ERFE: variants seen among roughly 807,000 people sequenced by gnomAD.
ERFE encodes the protein erythroferrone, also known as complement C1q tumor necrosis factor-related protein 15.
In ERFE, 25 loss-of-function variants were observed where a neutral mutation model predicts 26.6. That is an observed-to-expected ratio of 0.94 (90% CI 0.69 to 1.31). The LOEUF is 1.31. ERFE is among the 40% of genes most tolerant of loss of function. ERFE has a pLI of 0.00. For missense variants in ERFE, 447 were observed against 440.2 expected (o/e 1.02, Z -0.14); for synonymous variants, 206 against 204.5 (o/e 1.01, Z -0.06).
chr2:238,163,571 G>C, intron 3 of ERFE, 166 bp from the exon 4 acceptor site: 1 of 838,640 alleles, frequency 1.2e-6, no homozygotes. Context: ...TGCAGGGTCA[G>C]GACGCAAAGA....
Position 238,167,293 on chromosome 2 carries a change from GA to G in ERFE, c.*242del, listed in dbSNP as rs1487304674. ...GACACCATCTTGGGCTCTTATCCAG[GA>G]AAGAAAGAGTCGGCGTGCCTGGGGG... On this transcript the variant is annotated 3_prime_UTR_variant, in exon 8 of 8. Coordinates refer to ENST00000546354, the MANE Select transcript of ERFE (RefSeq NM_001291832.2). 1.0e-5 allele frequency: 7 copies of G among 699,448 alleles called. No individual in the cohort carries two copies. The highest frequency in any genetic ancestry group is 2.3e-4 in the Middle Eastern group (1 of 4,376). The allele number at this position is 699,448 out of a possible 1,614,324, so 43.3% of individuals were successfully genotyped here.
Position 238,164,324 on chromosome 2 carries a change from T to C in ERFE, c.851T>C (p.Leu284Pro). Residue 284 changes from leucine to proline, a missense_variant, in exon 6 of 8, where the codon CTG (leucine) becomes CCG (proline). Coordinates refer to ENST00000546354, the MANE Select transcript of ERFE (RefSeq NM_001291832.2). ...GPPRPRDHLR[L>P]LICIQSRCQR... ...CCGCGCCCCCGGGACCACCTGCGCC[T>C]GCTCATCTGCATCCAGTCCCGGTGC... The C allele has an allele frequency of 1.3e-6, 2 of 1,534,820 alleles. No individual in the cohort carries two copies. Among genetic ancestry groups the C allele is most frequent in the Non-Finnish European group, 1.7e-6 (2 of 1,143,306 alleles).
chr2:238,167,002 C>T lies in ERFE; in HGVS notation c.1013C>T (p.Ser338Phe). The T allele has an allele frequency of 6.4e-7, 1 of 1,550,568 alleles. No individual in the cohort carries two copies. The highest frequency in any genetic ancestry group is 1.2e-5 in the South Asian group (1 of 84,064). The change falls in exon 8 of 8, where the codon TCC becomes TTC. Residue 338 changes from serine (S) to phenylalanine (F), a missense_variant. By Grantham distance (155) the Ser-to-Phe change is radical. Coordinates refer to ENST00000546354, the MANE Select transcript of ERFE (RefSeq NM_001291832.2). ...TTCTTGGACAACGCCAGCGGCTGCT[C>T]CCTCACAGTGCGCAGTGGCTCCCAC... is the stretch of plus-strand genomic sequence containing the variant. Reference protein sequence around the residue: ...SVFLDNASGCSLTVRSGSHFS... With the variant: ...SVFLDNASGCFLTVRSGSHFS...
In ERFE at chr2:238,164,292, G is replaced by A; in HGVS notation, c.819G>A (p.Arg273=). 6.6e-7 allele frequency: 1 copy of A among 1,516,130 alleles called. No homozygotes were observed. The highest frequency in any genetic ancestry group is 8.8e-7 in the Non-Finnish European group (1 of 1,137,430). 93.9% of individuals were successfully genotyped at this position (1,516,130 alleles called of 1,614,324 possible). Residue 273 remains arginine, a synonymous_variant, in exon 6 of 8, where the codon AGG becomes AGA. Transcript: ENST00000546354. ...LHVALGEPPR[R]GPPRPRDHLR... ...CAGCGCTCGGGGAGCCGCCGAGGAG[G>A]GGGCCGCCGCGCCCCCGGGACCACC...
In ERFE at chr2:238,164,545, A is replaced by T. The variant is rs565765115; in HGVS notation, c.887+185A>T. On this transcript the variant is annotated intron_variant, in intron 6 of 7. Coordinates refer to ENST00000546354, the MANE Select transcript of ERFE (RefSeq NM_001291832.2). ...CCTATCAGGCCTTCCCTTCACAGCA[A>T]CTGGGAGCTGTTAAAAATGACCTTT... 5.6e-4 allele frequency: 329 copies of T among 592,552 alleles called. No individual in the cohort carries two copies. The African/African-American group carries it at 5.8e-3, about 10-fold the overall frequency. The allele number at this position is 592,552 out of a possible 1,614,324, so 36.7% of individuals were successfully genotyped here.
chr2:238,168,661 CT>C lies in ERFE; in HGVS notation c.*1608del, dbSNP rs1693089349. Reference sequence around the variant, plus strand: ...TCAGTAGGACTCACACCCACCCTACCTAGAAGTACTGGGCTGGCCTGGGTAC... The same window carrying C: ...TCAGTAGGACTCACACCCACCCTACCAGAAGTACTGGGCTGGCCTGGGTAC... On this transcript the variant is annotated 3_prime_UTR_variant, in exon 8 of 8. Transcript: ENST00000546354. 5 of 352,926 alleles carry C rather than the reference CT, an allele frequency of 1.4e-5. No homozygotes were observed. Among genetic ancestry groups the C allele is most frequent in the Middle Eastern group, 3.9e-4 (1 of 2,596 alleles). The allele number at this position is 352,926 out of a possible 1,614,324, so 21.9% of individuals were successfully genotyped here. A position where few individuals can be genotyped will look rare whatever the true frequency, so the allele number is the denominator to read the frequency against.
chr2:238,164,268 A>G lies in ERFE; in HGVS notation c.797-2A>G, dbSNP rs1181662118. 1 of 1,485,402 alleles carries G rather than the reference A, an allele frequency of 6.7e-7. No homozygotes were observed. Among genetic ancestry groups the G allele is most frequent in the Non-Finnish European group, 8.9e-7 (1 of 1,123,964 alleles). 92.0% of individuals were successfully genotyped at this position (1,485,402 alleles called of 1,614,324 possible). On this transcript the variant is annotated splice_acceptor_variant, in intron 5 of 7. Coordinates refer to ENST00000546354, the MANE Select transcript of ERFE (RefSeq NM_001291832.2). LOFTEE classifies it high-confidence loss of function. Reference sequence around the variant, plus strand: ...TTGACCACGTCCCACCCTCCCCCGCAGCGCTCGGGGAGCCGCCGAGGAGGG... The same window carrying G: ...TTGACCACGTCCCACCCTCCCCCGCGGCGCTCGGGGAGCCGCCGAGGAGGG...
Position 238,164,261 on chromosome 2 carries a change from C to A in ERFE, c.797-9C>A. On this transcript the variant is annotated splice_polypyrimidine_tract_variant and intron_variant, in intron 5 of 7. Coordinates refer to ENST00000546354, the MANE Select transcript of ERFE (RefSeq NM_001291832.2). ...CGCCCGCTTGACCACGTCCCACCCT[C>A]CCCCGCAGCGCTCGGGGAGCCGCCG... 6.7e-7 allele frequency: 1 copy of A among 1,500,632 alleles called. No individual in the cohort carries two copies. Among genetic ancestry groups the A allele is most frequent in the Non-Finnish European group, 8.8e-7 (1 of 1,131,836 alleles). 93.0% of individuals were successfully genotyped at this position (1,500,632 alleles called of 1,614,324 possible). A position where few individuals can be genotyped will look rare whatever the true frequency, so the allele number is the denominator to read the frequency against.
At chr2:238,164,959 C>T (rs1343579292) in intron 6 of ERFE, among the ~76,000 whole-genome samples, 3 of 152,222 alleles carry the variant, frequency 2.0e-5, no homozygotes, top group African/African-American at 7.2e-5. Context: ...AGCCTCCCAA[C>T]TCCTTCCCAC....
At chr2:238,160,789 G>A (rs967092029) in intron 1 of ERFE, among the ~76,000 whole-genome samples, 8 of 152,180 alleles carry the variant, frequency 5.3e-5, no homozygotes, top group East Asian at 1.9e-4. Flanking sequence ...AGCCCCCAGC[G>A]TCAGCACCCA....
chr2:238,163,802 G>A lies in ERFE; in HGVS notation c.490G>A (p.Ala164Thr), dbSNP rs1313460037. The A allele has an allele frequency of 3.7e-6, 5 of 1,345,806 alleles. No homozygotes were observed. The highest frequency in any genetic ancestry group is 6.2e-5 in the East Asian group (2 of 32,040). 83.4% of individuals were successfully genotyped at this position (1,345,806 alleles called of 1,614,324 possible). ...TACGTGTGGCCCCGCCGGGCCGGTC[G>A]CTGCGAGCCTCGCCCCGGTCTCGGC... ...PCTCGPAGPV[A>T]ASLAPVSATA... Residue 164 changes from alanine to threonine, a missense_variant, in exon 4 of 8, where the codon GCT becomes ACT. Physicochemically the swap from Ala to Thr is moderately conservative, Grantham distance 58. Transcript: ENST00000546354.
rs773732380 is a variant in ERFE, at chr2:238,167,299, A to G, written c.*245A>G. The G allele has an allele frequency of 2.9e-6, 2 of 691,638 alleles. No homozygotes were observed. The highest frequency in any genetic ancestry group is 2.7e-5 in the East Asian group (1 of 36,372). The allele number at this position is 691,638 out of a possible 1,614,324, so 42.8% of individuals were successfully genotyped here. A position where few individuals can be genotyped will look rare whatever the true frequency, so the allele number is the denominator to read the frequency against. On this transcript the variant is annotated 3_prime_UTR_variant, in exon 8 of 8. Coordinates refer to ENST00000546354, the MANE Select transcript of ERFE (RefSeq NM_001291832.2). ...ATCTTGGGCTCTTATCCAGGAAAGA[A>G]AGAGTCGGCGTGCCTGGGGGCACCT...
chr2:238,165,482 G>C, intron 6 of ERFE, 124 bp from the exon 7 acceptor site: 1 of 745,456 alleles, frequency 1.3e-6, no homozygotes, highest in Non-Finnish European at 2.3e-6. Flanking sequence ...ACCTCCACTG[G>C]AAGACCTGGC....
At position 238,161,692 on chromosome 2, in the gene ERFE, C is replaced by A; in HGVS notation, c.297C>A (p.Ser99Arg). 1 of 1,547,318 alleles carries A rather than the reference C, an allele frequency of 6.5e-7. No individual in the cohort carries two copies. Among genetic ancestry groups the A allele is most frequent in the Admixed American group, 2.0e-5 (1 of 50,912 alleles). Residue 99 changes from serine (S) to arginine (R), a missense_variant, in exon 2 of 8, where the codon AGC becomes AGA. Coordinates refer to ENST00000546354, the MANE Select transcript of ERFE (RefSeq NM_001291832.2). ...SDKGVNGKKR[S>R]RGKAKKLKFG... Reference sequence around the variant, plus strand: ...AGGGTGTCAATGGCAAGAAGAGGAGCAGGGGCAAGGCCAAGAAGCTGAAGG... The same window carrying A: ...AGGGTGTCAATGGCAAGAAGAGGAGAAGGGGCAAGGCCAAGAAGCTGAAGG...
intron 1 of ERFE, among the ~76,000 whole-genome samples, chr2:238,161,033 A>C (rs930076554): frequency 6.6e-6 from 1 of 152,240 alleles, no homozygotes; most frequent in Non-Finnish European, 1.5e-5. Flanking sequence ...GCCTCGCGTC[A>C]TGACAGCTCG....
In ERFE at chr2:238,159,164, G is replaced by C. The variant is rs949145724; in HGVS notation, c.157G>C (p.Gly53Arg). 4.7e-6 allele frequency: 1 copy of C among 213,874 alleles called. No individual in the cohort carries two copies. The highest frequency in any genetic ancestry group is 9.1e-6 in the Non-Finnish European group (1 of 110,094). The allele number at this position is 213,874 out of a possible 1,614,324, so 13.2% of individuals were successfully genotyped here. Residue 53 changes from glycine (G) to arginine (R), a missense_variant, in exon 1 of 8, where the codon GGC (glycine) becomes CGC (arginine). Coordinates refer to ENST00000546354, the MANE Select transcript of ERFE (RefSeq NM_001291832.2). ...GCCGCCCGGGAACGAGCTGCCCCGG[G>C]GCCCCGGGGAGAGCCGCGCGGGGCC... is the stretch of plus-strand genomic sequence containing the variant. Reference protein sequence around the residue: ...EPPPGNELPRGPGESRAGPAA... With the variant: ...EPPPGNELPRRPGESRAGPAA...
chr2:238,166,696 C>T (rs1338022422), intron 7 of ERFE, among the ~76,000 whole-genome samples: 2 of 152,234 alleles, frequency 1.3e-5, no homozygotes, highest in African/African-American at 4.8e-5. Context: ...ACTCTTGAAT[C>T]CCACTCTGGC....
At chr2:238,164,432 G>A in intron 6 of ERFE, 72 bp downstream of exon 6, 8 of 1,446,794 alleles carry the variant, frequency 5.5e-6, no homozygotes, top group Non-Finnish European at 7.5e-6. Context: ...GGTTAAACAG[G>A]CACTGGACGG....
intron 1 of ERFE, among the ~76,000 whole-genome samples, chr2:238,161,301 T>C (rs1166253381): frequency 2.0e-5 from 3 of 152,176 alleles, no homozygotes; most frequent in African/African-American, 7.2e-5. Flanking sequence ...TTCACCCCGA[T>C]ATCCAAGCCC....
Sources: gnomAD v4.1 joint callset for allele counts (sites outside exome capture counted in the v4.1 genomes callset) on GRCh38, gnomAD v4.1.1 for gene constraint, MANE v1.5 for transcripts, NCBI Gene and HGNC (gene_info 2026-07-23, HGNC 2026-07-21) for gene names.